Variants in CHMP2B observed in about 807,000 individuals in gnomAD.
The protein encoded by CHMP2B is charged multivesicular body protein 2B, also known as VPS2 homolog B.
A neutral mutation model predicts 29.8 loss-of-function variants in CHMP2B; 22 were observed. The observed-to-expected ratio is 0.74, with a 90% CI of 0.53 to 1.05. The LOEUF is 1.05. CHMP2B is among the 50% of genes least tolerant of loss of function. The pLI is 0.00. For synonymous variants in CHMP2B, 78 were observed against 75.8 expected (o/e 1.03, Z -0.15); for missense variants, 261 against 252.2 (o/e 1.03, Z -0.24).
intron 1 of CHMP2B, among the ~76,000 whole-genome samples, chr3:87,230,646 A>G (rs963853133): frequency 5.3e-5 from 8 of 152,158 alleles, no homozygotes; most frequent in African/African-American, 1.9e-4. Flanking sequence ...CTCTCCCTGG[A>G]CACAGCATTT....
chr3:87,245,532 C>T (rs1186612638), intron 2 of CHMP2B, among the ~76,000 whole-genome samples, 182 bp from the exon 3 acceptor site: 1 of 151,440 alleles, frequency 6.6e-6, no homozygotes, highest in Admixed American at 6.6e-5. Flanking sequence ...TCCATGTAAA[C>T]ATGTAGACTA....
intron 1 of CHMP2B, among the ~76,000 whole-genome samples, chr3:87,237,889 C>T (rs1168976765): frequency 6.6e-6 from 1 of 152,126 alleles, no homozygotes; most frequent in African/African-American, 2.4e-5. Flanking sequence ...AAGCCCCGTC[C>T]TTCTTTATCT....
At position 87,254,010 on chromosome 3, in the gene CHMP2B, G is replaced by A. The variant is rs1237673138; in HGVS notation, c.*188G>A. The A allele has an allele frequency of 3.0e-5, 16 of 531,272 alleles. No homozygotes were observed. The highest frequency in any genetic ancestry group is 4.7e-5 in the Non-Finnish European group (14 of 296,166). The allele number at this position is 531,272 out of a possible 1,614,324, so 32.9% of individuals were successfully genotyped here. A position where few individuals can be genotyped will look rare whatever the true frequency, so the allele number is the denominator to read the frequency against. ...CAAAGAATGACAATGATGCAAAAATGGGAACAGTTTGGATTTTAATTAGAA... is the reference window on the plus strand; with the variant it reads ...CAAAGAATGACAATGATGCAAAAATAGGAACAGTTTGGATTTTAATTAGAA... On this transcript the variant is annotated 3_prime_UTR_variant, in exon 6 of 6. Transcript: ENST00000263780.
chr3:87,236,324 C>A (rs890809481), intron 1 of CHMP2B, among the ~76,000 whole-genome samples: 2 of 152,130 alleles, frequency 1.3e-5, no homozygotes, highest in African/African-American at 4.8e-5. Context: ...AAAAGACATT[C>A]CTATCATTCA....
rs1706101381 is a variant in CHMP2B, at chr3:87,240,709, G to A, written c.45G>A (p.Lys15=). 6.2e-7 allele frequency: 1 copy of A among 1,610,894 alleles called. No individual in the cohort carries two copies. The highest frequency in any genetic ancestry group is 1.7e-5 in the Admixed American group (1 of 59,982). Residue 15 remains lysine (K), a synonymous_variant, in exon 2 of 6, where the codon AAG becomes AAA. Transcript: ENST00000263780. ...FKKKTVDDVI[K]EQNRELRGTQ... Reference sequence around the variant, plus strand: ...TTGTGATTCTCCTAGATGTAATAAAGGAACAGAATCGAGAGTTACGAGGTA... The same window carrying A: ...TTGTGATTCTCCTAGATGTAATAAAAGAACAGAATCGAGAGTTACGAGGTA...
At chr3:87,232,508 C>G (rs1334813529) in intron 1 of CHMP2B, among the ~76,000 whole-genome samples, 1 of 152,060 alleles carries the variant, frequency 6.6e-6, no homozygotes, top group South Asian at 2.1e-4. Context: ...TCTTGACATA[C>G]CAAAGAAAAA....
At chr3:87,245,482 T>G (rs1333968157) in intron 2 of CHMP2B, among the ~76,000 whole-genome samples, 1 of 151,910 alleles carries the variant, frequency 6.6e-6, no homozygotes, top group Non-Finnish European at 1.5e-5. Flanking sequence ...TTTTGTAGAC[T>G]TGCTTTGTAT....
At chr3:87,245,570 T>C in intron 2 of CHMP2B, 144 bp from the exon 3 acceptor site, 1 of 693,874 alleles carries the variant, frequency 1.4e-6, no homozygotes. Context: ...TCTCTTTTGC[T>C]CTATGACTTT....
intron 1 of CHMP2B, among the ~76,000 whole-genome samples, chr3:87,233,256 C>T (rs1705938279): frequency 6.6e-6 from 1 of 152,074 alleles, no homozygotes; most frequent in African/African-American, 2.4e-5. Context: ...CCCTGAGTGT[C>T]AGATATACCA....
At chr3:87,243,134 A>G (rs890816450) in intron 2 of CHMP2B, among the ~76,000 whole-genome samples, 3 of 152,102 alleles carry the variant, frequency 2.0e-5, no homozygotes, top group South Asian at 2.1e-4. Flanking sequence ...ATCTCCATTT[A>G]TTTAGATCTT....
intron 1 of CHMP2B, among the ~76,000 whole-genome samples, chr3:87,228,064 A>G (rs1705845433): frequency 6.6e-6 from 1 of 152,184 alleles, no homozygotes; most frequent in African/African-American, 2.4e-5. Flanking sequence ...GATGTGAAAC[A>G]AATGCTTTTT....
chr3:87,243,148 C>T (rs1706151610), intron 2 of CHMP2B, among the ~76,000 whole-genome samples: 3 of 152,130 alleles, frequency 2.0e-5, no homozygotes, highest in Admixed American at 2.0e-4. Context: ...AGATCTTCAA[C>T]TTTCCTCAGC....
At position 87,227,436 on chromosome 3, in the gene CHMP2B, G is replaced by GC; in HGVS notation, c.-85dup. 6.5e-7 allele frequency: 1 copy of GC among 1,544,004 alleles called. No homozygotes were observed. The highest frequency in any genetic ancestry group is 9.0e-7 in the Non-Finnish European group (1 of 1,116,806). On this transcript the variant is annotated 5_prime_UTR_variant, in exon 1 of 6. Transcript: ENST00000263780. ...CTCTCCGCTCCGCCACCCCGAACCCGCCAAGGTCCTGTCCTTTTCCTCCTG... is the reference window on the plus strand; with the variant it reads ...CTCTCCGCTCCGCCACCCCGAACCCGCCCAAGGTCCTGTCCTTTTCCTCCTG...
In CHMP2B at chr3:87,240,698, G is replaced by A; in HGVS notation, c.35-1G>A. On this transcript the variant is annotated splice_acceptor_variant, in intron 1 of 5. Coordinates refer to ENST00000263780, the MANE Select transcript of CHMP2B (RefSeq NM_014043.4). LOFTEE classifies it high-confidence loss of function. Reference sequence around the variant, plus strand: ...TTAGGTTTCTTTTGTGATTCTCCTAGATGTAATAAAGGAACAGAATCGAGA... The same window carrying A: ...TTAGGTTTCTTTTGTGATTCTCCTAAATGTAATAAAGGAACAGAATCGAGA... The A allele has an allele frequency of 6.3e-7, 1 of 1,599,116 alleles. No homozygotes were observed.
intron 1 of CHMP2B, among the ~76,000 whole-genome samples, chr3:87,235,814 C>T (rs1705996781): frequency 6.6e-6 from 1 of 152,146 alleles, no homozygotes; most frequent in African/African-American, 2.4e-5. Flanking sequence ...CACAAGACTG[C>T]CCTACTTCAG....
At chr3:87,244,486 T>C (rs1490632508) in intron 2 of CHMP2B, among the ~76,000 whole-genome samples, 1 of 152,162 alleles carries the variant, frequency 6.6e-6, no homozygotes, top group South Asian at 2.1e-4. Flanking sequence ...TAAACTCTTC[T>C]AAGAGCAGTT....
chr3:87,246,669 T>C (rs1346296488), intron 3 of CHMP2B, among the ~76,000 whole-genome samples: 1 of 152,232 alleles, frequency 6.6e-6, no homozygotes, highest in African/African-American at 2.4e-5. Context: ...AGAACTTATG[T>C]TTAACTTACT....
At chr3:87,230,507 T>G (rs1237220473) in intron 1 of CHMP2B, among the ~76,000 whole-genome samples, 3 of 152,202 alleles carry the variant, frequency 2.0e-5, no homozygotes, top group African/African-American at 4.8e-5. Context: ...ATCAAGCACA[T>G]GGAATTCTCA....
rs1285764025 is a variant in CHMP2B, at chr3:87,253,453, A to G, written c.474A>G (p.Glu158=). 2 of 1,612,178 alleles carry G rather than the reference A, an allele frequency of 1.2e-6. No homozygotes were observed. Among genetic ancestry groups the G allele is most frequent in the Admixed American group, 3.3e-5 (2 of 59,912 alleles). ...DIFDGSDDEE[E]SQDIVNQVLD... is the part of the protein sequence containing the mutation. ...TTGACGGTTCTGATGACGAAGAAGA[A>G]AGCCAGGATATTGTGAATCAAGTTC... is the stretch of plus-strand genomic sequence containing the variant. The change falls in exon 5 of 6, where the codon GAA becomes GAG. Residue 158 remains glutamate (E), a synonymous_variant. Coordinates refer to ENST00000263780, the MANE Select transcript of CHMP2B (RefSeq NM_014043.4).
Sources: allele counts gnomAD v4.1 joint callset (sites outside exome capture counted in the v4.1 genomes callset), GRCh38; gene constraint gnomAD v4.1.1; transcripts MANE v1.5; gene names NCBI Gene and HGNC (gene_info 2026-07-23, HGNC 2026-07-21).